NELL1: variants seen among roughly 807,000 people sequenced by gnomAD.
The protein encoded by NELL1 is protein kinase C-binding protein NELL1.
Under a neutral mutation model 107.4 loss-of-function variants are expected in NELL1, and 76 were observed. That is an observed-to-expected ratio of 0.71 (90% CI 0.59 to 0.86). NELL1 has a LOEUF of 0.86. NELL1 is among the 40% of genes least tolerant of loss of function. The pLI, the probability that NELL1 is intolerant of heterozygous loss-of-function variation, is 0.00. For missense variants in NELL1, 1,024 were observed against 1,005.5 expected, an observed-to-expected ratio of 1.02 and a Z score of -0.25; for synonymous variants, 353 against 341.2, an observed-to-expected ratio of 1.03 and a Z score of -0.38.
At chr11:21,028,746 G>C (rs994026310) in intron 12 of NELL1, among the ~76,000 whole-genome samples, 1 of 151,976 alleles carries the variant, frequency 6.6e-6, no homozygotes. Flanking sequence ...AAGAGATAAG[G>C]TTTATTTTGT....
chr11:20,869,197 G>C (rs1403623828), intron 4 of NELL1, among the ~76,000 whole-genome samples: 2 of 152,244 alleles, frequency 1.3e-5, no homozygotes, highest in Admixed American at 6.5e-5. Flanking sequence ...GAGTGTGTTA[G>C]TATTAAGTGC....
At chr11:20,688,169 A>G (rs1854355608) in intron 2 of NELL1, among the ~76,000 whole-genome samples, 1 of 150,538 alleles carries the variant, frequency 6.6e-6, no homozygotes, top group African/African-American at 2.5e-5. Context: ...AGAGGCTACT[A>G]TGAGAGAGAA....
chr11:20,967,712 A>G lies in NELL1; in HGVS notation c.1300+7152A>G, dbSNP rs115045055. Among the ~76,000 whole-genome samples the G allele has an allele frequency of 5.7e-3, 867 of 152,278 alleles. 12 individuals are homozygous for G. The highest frequency in any genetic ancestry group is 0.02 in the African/African-American group (822 of 41,556). ...CCTTTATCTTTTGGCTAGTGATCCC[A>G]GTAGCATCCACTCTTGCCCACCATA... On this transcript the variant is annotated intron_variant, in intron 12 of 19. Transcript: ENST00000357134.
At chr11:21,395,890 T>C (rs1408604281) in intron 15 of NELL1, among the ~76,000 whole-genome samples, 1 of 151,140 alleles carries the variant, frequency 6.6e-6, no homozygotes, top group African/African-American at 2.4e-5. Flanking sequence ...AATTTATTGA[T>C]TAGAAAAATA....
chr11:20,846,784 T>G (rs1208175702), intron 3 of NELL1, among the ~76,000 whole-genome samples: 2 of 152,188 alleles, frequency 1.3e-5, no homozygotes, highest in African/African-American at 4.8e-5. Flanking sequence ...CCAACGTTGA[T>G]GACAATGACA....
intron 12 of NELL1, among the ~76,000 whole-genome samples, chr11:21,107,339 G>A (rs1854994113): frequency 6.6e-6 from 1 of 151,932 alleles, no homozygotes; most frequent in Non-Finnish European, 1.5e-5. Context: ...AAAAAAATCA[G>A]TATGACACAA....
intron 12 of NELL1, among the ~76,000 whole-genome samples, chr11:21,106,668 A>T (rs147556086): frequency 6.6e-6 from 1 of 152,332 alleles, no homozygotes; most frequent in Non-Finnish European, 1.5e-5. Context: ...AAGAAAAATA[A>T]GAAAGACTTG....
chr11:21,072,101 A>G (rs989291193), intron 12 of NELL1, among the ~76,000 whole-genome samples: 3 of 152,182 alleles, frequency 2.0e-5, no homozygotes, highest in African/African-American at 7.2e-5. Flanking sequence ...CAACTAAGAT[A>G]TATTTATCAA....
At chr11:21,360,582 T>C (rs1008604753) in intron 14 of NELL1, among the ~76,000 whole-genome samples, 4 of 152,150 alleles carry the variant, frequency 2.6e-5, no homozygotes, top group African/African-American at 4.8e-5. Flanking sequence ...GTGCTGTTAG[T>C]GGGGTATTGA....
chr11:21,379,219 A>G (rs1851553936), intron 15 of NELL1, among the ~76,000 whole-genome samples: 1 of 150,136 alleles, frequency 6.7e-6, no homozygotes. Context: ...ATCTATAACC[A>G]GTGATTTGTG....
At chr11:20,707,798 C>G (rs1855006717) in intron 2 of NELL1, among the ~76,000 whole-genome samples, 1 of 152,224 alleles carries the variant, frequency 6.6e-6, no homozygotes, top group African/African-American at 2.4e-5. Flanking sequence ...GGATCTGGGA[C>G]CCACTTGAGG....
intron 3 of NELL1, among the ~76,000 whole-genome samples, chr11:20,827,182 C>T (rs574198341): frequency 6.6e-6 from 1 of 151,302 alleles, no homozygotes; most frequent in East Asian, 1.9e-4. Context: ...TGTCTAATTT[C>T]CAATTCCATG....
intron 12 of NELL1, among the ~76,000 whole-genome samples, chr11:21,049,698 G>A (rs1050678147): frequency 6.7e-6 from 1 of 150,256 alleles, no homozygotes; most frequent in African/African-American, 2.4e-5. Flanking sequence ...TTTTTTTTGA[G>A]ATGAAGTCTC....
chr11:20,733,893 G>C (rs1855702980), intron 2 of NELL1, among the ~76,000 whole-genome samples: 1 of 152,148 alleles, frequency 6.6e-6, no homozygotes, highest in Non-Finnish European at 1.5e-5. Context: ...TTCTAGCGTA[G>C]ACAGTCAATT....
rs1856240348 is a variant in NELL1, at chr11:20,755,503, A to G, written c.185-28177A>G. On this transcript the variant is annotated intron_variant, in intron 2 of 19. Coordinates refer to ENST00000357134, the MANE Select transcript of NELL1 (RefSeq NM_006157.5). ...GCTGTACAACAACAAGCCAAACTTG[A>G]GAGCATTTCATGTAAAAAAGACCTG... is the stretch of plus-strand genomic sequence containing the variant. Among the ~76,000 whole-genome samples, 7 of 151,354 alleles carry G rather than the reference A, an allele frequency of 4.6e-5. No individual in the cohort carries two copies. The South Asian group carries it at 1.5e-3, about 32-fold the overall frequency.
intron 13 of NELL1, among the ~76,000 whole-genome samples, chr11:21,149,850 G>A (rs1856074036): frequency 6.6e-6 from 1 of 152,044 alleles, no homozygotes; most frequent in African/African-American, 2.4e-5. Context: ...TTTCAGGTAG[G>A]AATAATAACC....
intron 16 of NELL1, among the ~76,000 whole-genome samples, chr11:21,549,073 T>C (rs1260850676): frequency 6.6e-6 from 1 of 151,836 alleles, no homozygotes; most frequent in Non-Finnish European, 1.5e-5. Flanking sequence ...TCTATACTAA[T>C]ACATAACAGG....
chr11:21,427,507 C>T (rs1852853709), intron 15 of NELL1, among the ~76,000 whole-genome samples: 1 of 152,156 alleles, frequency 6.6e-6, no homozygotes, highest in African/African-American at 2.4e-5. Flanking sequence ...CTATTTCACT[C>T]TAAGGGAATA....
chr11:21,347,708 T>C (rs1230839820), intron 14 of NELL1, among the ~76,000 whole-genome samples: 1 of 152,210 alleles, frequency 6.6e-6, no homozygotes, highest in Non-Finnish European at 1.5e-5. Context: ...TATGGACATA[T>C]ATAAAATTAA....
Sources: allele counts gnomAD v4.1 joint callset (sites outside exome capture counted in the v4.1 genomes callset), GRCh38; gene constraint gnomAD v4.1.1; transcripts MANE v1.5; gene names NCBI Gene and HGNC (gene_info 2026-07-23, HGNC 2026-07-21).